ARHGEF37: variants seen among roughly 807,000 people sequenced by gnomAD.
ARHGEF37 encodes Rho guanine nucleotide exchange factor (GEF) 37.
Under a neutral mutation model 71.1 loss-of-function variants are expected in ARHGEF37, and 55 were observed. That is an observed-to-expected ratio of 0.77 (90% CI 0.62 to 0.97). The LOEUF (loss-of-function observed/expected upper bound fraction) is 0.97, where lower values mean the gene tolerates loss of function less well. Ranked by LOEUF, ARHGEF37 falls within the 50% of genes least tolerant of loss-of-function variation. The pLI is 0.00. For synonymous variants in ARHGEF37, 327 were observed against 350.6 expected (o/e 0.93, Z 0.75); for missense variants, 765 against 836.8 (o/e 0.91, Z 1.06).
chr5:149,554,117 G>A lies in ARHGEF37; in HGVS notation c.-12+1994G>A, dbSNP rs1351674885. On this transcript the variant is annotated intron_variant, in intron 1 of 2. Coordinates refer to the ARHGEF37 transcript ENST00000505810. The stretch of plus-strand genomic sequence containing the variant: ...GGGGAGGTAGAGATTGCAGTGAGCC[G>A]AGATTGTGCCACTGCACTCCGGCCT... Among the ~76,000 whole-genome samples the A allele has an allele frequency of 5.3e-5, 8 of 152,152 alleles. No homozygotes were observed. In the South Asian group the frequency reaches 6.2e-4, roughly 12 times the overall value.
chr5:149,620,118 T>C (rs192267059), intron 7 of ARHGEF37, among the ~76,000 whole-genome samples: 245 of 150,116 alleles, frequency 1.6e-3, no homozygotes, highest in African/African-American at 5.6e-3. Flanking sequence ...AAAGGTGGCA[T>C]GTAAATGTAT....
At chr5:149,602,743 A>AT (rs1763793751) in intron 3 of ARHGEF37, among the ~76,000 whole-genome samples, 1 of 151,978 alleles carries the variant, frequency 6.6e-6, no homozygotes, top group African/African-American at 2.4e-5. Flanking sequence ...ATGGTGAGGG[A>AT]TTTCCTAGTG....
rs368884058 is a variant in ARHGEF37, at chr5:149,624,090, C to T, written c.1414C>T (p.Arg472Cys). 1.6e-5 allele frequency: 26 copies of T among 1,612,086 alleles called. No individual in the cohort carries two copies. The highest frequency in any genetic ancestry group is 5.0e-5 in the Admixed American group (3 of 59,964). The change falls in exon 10 of 13, where the codon CGC (arginine) becomes TGC (cysteine). Residue 472 changes from arginine to cysteine, a missense_variant. By Grantham distance (180) the Arg-to-Cys change is radical. Coordinates refer to ENST00000333677, the MANE Select transcript of ARHGEF37 (RefSeq NM_001001669.3). ...DALGRTSNQL[R>C]SFQETFEKVQ... ...ACTGGGCCGGACGAGTAACCAGCTT[C>T]GCTCCTTTCAAGAGACCTTTGAGAA...
chr5:149,603,851 G>A (rs1004238780), intron 3 of ARHGEF37, among the ~76,000 whole-genome samples: 3 of 152,150 alleles, frequency 2.0e-5, no homozygotes, highest in East Asian at 1.9e-4. Context: ...CACGAGAATC[G>A]CTTGAACCCG....
At chr5:149,557,483 T>C (rs1306708971) in intron 1 of ARHGEF37, among the ~76,000 whole-genome samples, 1 of 152,192 alleles carries the variant, frequency 6.6e-6, no homozygotes, top group Non-Finnish European at 1.5e-5. Flanking sequence ...TGTTTGTTTA[T>C]TTATTTATTT....
At position 149,609,590 on chromosome 5, in the gene ARHGEF37, A is replaced by G. The variant is rs759187419; in HGVS notation, c.353A>G (p.Tyr118Cys). The G allele has an allele frequency of 4.3e-6, 7 of 1,614,092 alleles. No homozygotes were observed. The highest frequency in any genetic ancestry group is 3.3e-5 in the South Asian group (3 of 91,080). Residue 118 changes from tyrosine to cysteine, a missense_variant, in exon 4 of 13, where the codon TAT becomes TGT. By Grantham distance (194) the Tyr-to-Cys change is radical. Transcript: ENST00000333677. ...LEFQEELEQV[Y>C]KVYCASYDQA... ...TTCCAAGAGGAGTTGGAGCAAGTCT[A>G]TAAGGTCTACTGTGCCAGCTACGAC...
Position 149,562,608 on chromosome 5 carries a change from G to A in ARHGEF37, c.-12+10485G>A, listed in dbSNP as rs558282004. Among the ~76,000 whole-genome samples the A allele has an allele frequency of 1.1e-3, 164 of 152,086 alleles. 1 individual carries two copies. The highest frequency in any genetic ancestry group is 1.5e-3 in the South Asian group (7 of 4,810). The stretch of plus-strand genomic sequence containing the variant: ...CAGGGCCCACCCGGCTACCACACCC[G>A]GCTAACTTTTTGTATTTTTAGTAGA... On this transcript the variant is annotated intron_variant, in intron 1 of 2. Transcript: ENST00000505810.
chr5:149,593,638 T>C (rs1763471715), intron 1 of ARHGEF37, among the ~76,000 whole-genome samples: 1 of 152,246 alleles, frequency 6.6e-6, no homozygotes, highest in African/African-American at 2.4e-5. Context: ...ACATAAACAG[T>C]TGATTAACAC....
chr5:149,598,777 GAT>G lies in ARHGEF37; in HGVS notation c.186+828_186+829del, dbSNP rs766004834. Among the ~76,000 whole-genome samples the G allele has an allele frequency of 4.6e-3, 368 of 80,582 alleles. 3 individuals carry two copies. Among genetic ancestry groups the G allele is most frequent in the African/African-American group, 0.012 (345 of 28,588 alleles). The allele number at this position is 80,582 out of a possible 152,430, so 52.9% of individuals were successfully genotyped here. A position where few individuals can be genotyped will look rare whatever the true frequency, so the allele number is the denominator to read the frequency against. ...ATATATAGATATAGATATAGATATA[GAT>G]ATATAGATATAGATATATAGATATA... On this transcript the variant is annotated intron_variant, in intron 2 of 12. Transcript: ENST00000333677.
intron 1 of ARHGEF37, among the ~76,000 whole-genome samples, chr5:149,571,333 G>A (rs1762961695): frequency 6.6e-6 from 1 of 152,110 alleles, no homozygotes; most frequent in African/African-American, 2.4e-5. Context: ...TCGGCTCACT[G>A]CAACCTCTGC....
At chr5:149,556,286 C>T (rs140467350) in intron 1 of ARHGEF37, among the ~76,000 whole-genome samples, 13 of 152,278 alleles carry the variant, frequency 8.5e-5, no homozygotes, top group African/African-American at 2.9e-4. Context: ...CTCCGCCTCC[C>T]GGGTGCAAGT....
intron 2 of ARHGEF37, among the ~76,000 whole-genome samples, chr5:149,599,485 C>T (rs528096932): frequency 9.3e-6 from 1 of 107,996 alleles, no homozygotes; most frequent in East Asian, 3.4e-4. Flanking sequence ...CTACATTGCC[C>T]AGACTGGTCT....
intron 3 of ARHGEF37, among the ~76,000 whole-genome samples, chr5:149,603,878 G>C (rs1454426385): frequency 6.6e-6 from 1 of 152,222 alleles, no homozygotes; most frequent in Non-Finnish European, 1.5e-5. Flanking sequence ...GGAGGTTGCA[G>C]GGAGCTGAGA....
chr5:149,610,418 C>T lies in ARHGEF37; in HGVS notation c.458+723C>T, dbSNP rs117354494. ...TAGAAAAATGTAGAGAATATGTATTCGAATTTAAATTTTCGAATGGGTAAC... is the reference window on the plus strand; with the variant it reads ...TAGAAAAATGTAGAGAATATGTATTTGAATTTAAATTTTCGAATGGGTAAC... On this transcript the variant is annotated intron_variant, in intron 4 of 12. Coordinates refer to ENST00000333677, the MANE Select transcript of ARHGEF37 (RefSeq NM_001001669.3). Among the ~76,000 whole-genome samples, 117 of 152,100 alleles carry T rather than the reference C, an allele frequency of 7.7e-4. 1 individual carries two copies. The East Asian group carries it at 0.021, about 27-fold the overall frequency.
At chr5:149,620,828 T>C (rs1752520024) in intron 8 of ARHGEF37, among the ~76,000 whole-genome samples, 1 of 69,622 alleles carries the variant, frequency 1.4e-5, no homozygotes, top group Non-Finnish European at 3.1e-5. Flanking sequence ...AGACTCCTTC[T>C]CAAAAAAAGA....
At chr5:149,560,902 T>C (rs997382383) in intron 1 of ARHGEF37, among the ~76,000 whole-genome samples, 7 of 152,224 alleles carry the variant, frequency 4.6e-5, no homozygotes, top group African/African-American at 1.7e-4. Flanking sequence ...AGATCTTGAC[T>C]TGTGCTCTTT....
chr5:149,604,869 G>A (rs1196722596), intron 3 of ARHGEF37, among the ~76,000 whole-genome samples: 1 of 151,146 alleles, frequency 6.6e-6, no homozygotes, highest in East Asian at 2.0e-4. Context: ...TTTTAGTAGA[G>A]ACTGGGTTTC....
chr5:149,625,607 G>A (rs924879299), intron 10 of ARHGEF37, among the ~76,000 whole-genome samples: 19 of 152,180 alleles, frequency 1.2e-4, no homozygotes, highest in African/African-American at 3.9e-4. Context: ...ATCTGTCCCC[G>A]CTCTTACTCT....
chr5:149,572,803 T>C (rs2113248940), intron 1 of ARHGEF37, among the ~76,000 whole-genome samples: 1 of 152,354 alleles, frequency 6.6e-6, no homozygotes, highest in East Asian at 1.9e-4. Context: ...GTGTTTGGAC[T>C]GAAACTACAA....
Sources: gnomAD v4.1 joint callset for allele counts (sites outside exome capture counted in the v4.1 genomes callset) on GRCh38, gnomAD v4.1.1 for gene constraint, MANE v1.5 for transcripts, NCBI Gene and HGNC (gene_info 2026-07-23, HGNC 2026-07-21) for gene names.